The following IRF2BPL variants were observed in gnomAD, a reference collection of about 807,000 sequenced individuals.
IRF2BPL encodes the protein interferon regulatory factor 2 binding protein like.
Under a neutral mutation model 51.2 loss-of-function variants are expected in IRF2BPL, and 13 were observed. The observed-to-expected ratio is 0.25, with a 90% confidence interval of 0.17 to 0.40. The LOEUF (loss-of-function observed/expected upper bound fraction) is 0.40. IRF2BPL is among the 10% of genes least tolerant of loss of function. The pLI is 1.00. For missense variants in IRF2BPL, 1,210 were observed against 1,111.8 expected (o/e 1.09, Z -1.26); for synonymous variants, 768 against 509.2 (o/e 1.51, Z -6.84).
In IRF2BPL at chr14:77,027,266, G is replaced by T. The variant is rs776119871; in HGVS notation, c.527C>A (p.Pro176Gln). ...EQRSRFEYPP[P>Q]PVSLGSSSHT... ...GCTGCTGCTTCCCAGGCTCACCGGC[G>T]GTGGCGGGTACTCGAAGCGGCTGCG... The change falls in exon 1 of 1, where the codon CCG becomes CAG. Residue 176 changes from proline (P) to glutamine (Q), a missense_variant. Coordinates refer to ENST00000238647, the MANE Select transcript of IRF2BPL (RefSeq NM_024496.4). The T allele has an allele frequency of 3.2e-6, 5 of 1,582,636 alleles. No individual in the cohort carries two copies. The Admixed American group carries it at 9.2e-5, about 29-fold the overall frequency.
At position 77,026,007 on chromosome 14, in the gene IRF2BPL, G is replaced by C; in HGVS notation, c.1786C>G (p.Pro596Ala). ...CCCAGAGGTGGGGGCGGCGGAGGCG[G>C]ACCCCCCGCCGCGTGCCCCGGCGCC... ...FAAPGHAAGGPPPPPPPLGPH... is the reference protein window; with the variant it reads ...FAAPGHAAGGAPPPPPPLGPH... Residue 596 changes from proline (P) to alanine (A), a missense_variant, in exon 1 of 1, where the codon CCG becomes GCG. Transcript: ENST00000238647. The C allele has an allele frequency of 6.4e-7, 1 of 1,565,932 alleles. No individual in the cohort carries two copies. The highest frequency in any genetic ancestry group is 8.6e-7 in the Non-Finnish European group (1 of 1,157,094).
chr14:77,027,852 C>G lies in IRF2BPL; in HGVS notation c.-60G>C. 8 of 1,429,210 alleles carry G rather than the reference C, an allele frequency of 5.6e-6. No homozygotes were observed. The highest frequency in any genetic ancestry group is 7.4e-6 in the Non-Finnish European group (8 of 1,086,324). 88.5% of individuals were successfully genotyped at this position (1,429,210 alleles called of 1,614,324 possible). A position where few individuals can be genotyped will look rare whatever the true frequency, so the allele number is the denominator to read the frequency against. ...GGCTGTCTCCGCGGCGCCTTCTCCT[C>G]CGGGAGGACTGGCCGGCTGGGGAGG... On this transcript the variant is annotated 5_prime_UTR_variant, in exon 1 of 1. Transcript: ENST00000238647.
At position 77,025,516 on chromosome 14, in the gene IRF2BPL, G is replaced by A. The variant is rs151294479; in HGVS notation, c.2277C>T (p.Pro759=). The A allele has an allele frequency of 5.6e-6, 9 of 1,613,940 alleles. No homozygotes were observed. The highest frequency in any genetic ancestry group is 7.6e-6 in the Non-Finnish European group (9 of 1,179,874). ...AQGATGEVYC[P]SGEKCPLVGS... ...CGACTAGGGGGCATTTCTCTCCGCT[G>A]GGGCAATACACCTCGCCGGTGGCCC... Residue 759 remains proline, a synonymous_variant, in exon 1 of 1, where the codon CCC becomes CCT. Coordinates refer to ENST00000238647, the MANE Select transcript of IRF2BPL (RefSeq NM_024496.4).
At position 77,026,572 on chromosome 14, in the gene IRF2BPL, G is replaced by C. The variant is rs746802558; in HGVS notation, c.1221C>G (p.Ala407=). 3 of 1,613,852 alleles carry C rather than the reference G, an allele frequency of 1.9e-6. No homozygotes were observed. Among genetic ancestry groups the C allele is most frequent in the Non-Finnish European group, 2.5e-6 (3 of 1,180,000 alleles). ...CGTAGTCCATGCCGGGCTTGGAGAC[G>C]GCGTCGAAGGCGAAAACGCGGCCCA... ...SLLGRVFAFD[A]VSKPGMDYEL... Residue 407 remains alanine (A), a synonymous_variant, in exon 1 of 1, where the codon GCC becomes GCG. Transcript: ENST00000238647.
chr14:77,027,004 G>A lies in IRF2BPL; in HGVS notation c.789C>T (p.Asn263=), dbSNP rs543338588. ...GGAGTACCGCAGCGCTGGCCGGGCC[G>A]TTAAGCAGCGTCTGCGGTAGCAGGT... ...PPNLLPQTLL[N]GPASAAVLPP... The change falls in exon 1 of 1, where the codon AAC becomes AAT. Residue 263 remains asparagine (N), a synonymous_variant. Coordinates refer to ENST00000238647, the MANE Select transcript of IRF2BPL (RefSeq NM_024496.4). 7 of 1,510,676 alleles carry A rather than the reference G, an allele frequency of 4.6e-6. No homozygotes were observed. The highest frequency in any genetic ancestry group is 2.1e-5 in the Admixed American group (1 of 47,658). The allele number at this position is 1,510,676 out of a possible 1,614,324, so 93.6% of individuals were successfully genotyped here.
chr14:77,027,375 G>A lies in IRF2BPL; in HGVS notation c.418C>T (p.Leu140=), dbSNP rs763409191. ...HVDGSSKPAV[L]AAPSGLERYG... is the part of the protein sequence containing the mutation. ...CGCTCCAGGCCAGACGGGGCCGCCAGCACCGCAGGCTTGCTGGAACCATCA... is the reference window on the plus strand; with the variant it reads ...CGCTCCAGGCCAGACGGGGCCGCCAACACCGCAGGCTTGCTGGAACCATCA... Residue 140 remains leucine (L), a synonymous_variant, in exon 1 of 1, where the codon CTG becomes TTG. Transcript: ENST00000238647. The A allele has an allele frequency of 1.1e-5, 16 of 1,496,108 alleles. No individual in the cohort carries two copies. The highest frequency in any genetic ancestry group is 1.4e-5 in the Non-Finnish European group (16 of 1,125,196). 92.7% of individuals were successfully genotyped at this position (1,496,108 alleles called of 1,614,324 possible). A position where few individuals can be genotyped will look rare whatever the true frequency, so the allele number is the denominator to read the frequency against.
rs554195069 is a variant in IRF2BPL, at chr14:77,024,914, ATTTTTTTTTTTTTTTTTTTTTTTTTT to A, written c.*462_*487del. ...AAGGAAGCTTTCACCATTTTATAGC[ATTTTTTTTTTTTTTTTTTTTTTTTTT>A]TTTTTTTTTTAGGCAGCAACACTGG... On this transcript the variant is annotated 3_prime_UTR_variant, in exon 1 of 1. Transcript: ENST00000238647. 8.7e-5 allele frequency: 2 copies of A among 22,972 alleles called. No individual in the cohort carries two copies. The highest frequency in any genetic ancestry group is 3.6e-3 in the South Asian group (2 of 562). 1.4% of individuals were successfully genotyped at this position (22,972 alleles called of 1,614,324 possible).
rs1333198489 is a variant in IRF2BPL at position 77,025,249 on chromosome 14, G to A, written c.*153C>T. ...TATAGAAACATACGACGAAAATAAT[G>A]TCTATACATAAGACTAACTTTTTGC... is the stretch of plus-strand genomic sequence containing the variant. On this transcript the variant is annotated 3_prime_UTR_variant, in exon 1 of 1. Transcript: ENST00000238647. The A allele has an allele frequency of 4.1e-6, 2 of 490,440 alleles. No homozygotes were observed. The highest frequency in any genetic ancestry group is 7.1e-6 in the Non-Finnish European group (2 of 280,070). The allele number at this position is 490,440 out of a possible 1,614,324, so 30.4% of individuals were successfully genotyped here. A position where few individuals can be genotyped will look rare whatever the true frequency, so the allele number is the denominator to read the frequency against.
At position 77,026,155 on chromosome 14, in the gene IRF2BPL, G is replaced by C. The variant is rs780509235; in HGVS notation, c.1638C>G (p.Ala546=). The change falls in exon 1 of 1, where the codon GCC becomes GCG. Residue 546 remains alanine, a synonymous_variant. Transcript: ENST00000238647. The part of the protein sequence containing the change: ...GAAASLRKRK[A]SPEPPDSAEG... ...CGGCTGAGTCCGGGGGCTCCGGAGAGGCCTTTCTCTTGCGCAGGCTGGCGG... is the reference window on the plus strand; with the variant it reads ...CGGCTGAGTCCGGGGGCTCCGGAGACGCCTTTCTCTTGCGCAGGCTGGCGG... The C allele has an allele frequency of 1.8e-5, 27 of 1,513,144 alleles. No individual in the cohort carries two copies. Among genetic ancestry groups the C allele is most frequent in the Non-Finnish European group, 2.4e-5 (27 of 1,141,054 alleles). The allele number at this position is 1,513,144 out of a possible 1,614,324, so 93.7% of individuals were successfully genotyped here. A position where few individuals can be genotyped will look rare whatever the true frequency, so the allele number is the denominator to read the frequency against.
Position 77,026,061 on chromosome 14 carries a change from T to C in IRF2BPL, c.1732A>G (p.Lys578Glu). Residue 578 changes from lysine to glutamate, a missense_variant, in exon 1 of 1, where the codon AAG (lysine) becomes GAG (glutamate). Lys to Glu is a moderately conservative substitution (Grantham distance 56). Coordinates refer to ENST00000238647, the MANE Select transcript of IRF2BPL (RefSeq NM_024496.4). Reference protein sequence around the residue: ...QWMANQSEALKLTMSAGGFAA... With the variant: ...QWMANQSEALELTMSAGGFAA... The stretch of plus-strand genomic sequence containing the variant: ...AAGCCCCCGGCGGACATGGTGAGCT[T>C]CAGCGCCTCGCTCTGGTTCGCCATC... The C allele has an allele frequency of 1.3e-6, 2 of 1,568,670 alleles. No homozygotes were observed. Among genetic ancestry groups the C allele is most frequent in the Non-Finnish European group, 1.7e-6 (2 of 1,160,750 alleles).
Position 77,026,620 on chromosome 14 carries a change from G to C in IRF2BPL, c.1173C>G (p.Arg391=), listed in dbSNP as rs764780408. 4.0e-5 allele frequency: 65 copies of C among 1,613,690 alleles called. No individual in the cohort carries two copies. The highest frequency in any genetic ancestry group is 1.6e-4 in the Middle Eastern group (1 of 6,084). The change falls in exon 1 of 1, where the codon CGC becomes CGG. Residue 391 remains arginine (R), a synonymous_variant. Coordinates refer to ENST00000238647, the MANE Select transcript of IRF2BPL (RefSeq NM_024496.4). ...TLAGCTPYEV[R]FKKDHSLLGR... ...CCAGCAGCGAGTGGTCCTTCTTGAA[G>C]CGAACCTCGTAGGGCGTGCAGCCTG...
Position 77,027,100 on chromosome 14 carries a change from C to T in IRF2BPL, c.693G>A (p.Thr231=). The change falls in exon 1 of 1, where the codon ACG becomes ACA. Residue 231 remains threonine (T), a synonymous_variant. Coordinates refer to ENST00000238647, the MANE Select transcript of IRF2BPL (RefSeq NM_024496.4). ...GCAGCCCCGTAACCAGCCCACCGTG[C>T]GTTCCACGCCGAGACGCCACCGACG... is the stretch of plus-strand genomic sequence containing the variant. ...AAASVASRRG[T]HGGLVTGLPN... 3 of 1,610,484 alleles carry T rather than the reference C, an allele frequency of 1.9e-6. No individual in the cohort carries two copies. The highest frequency in any genetic ancestry group is 2.5e-6 in the Non-Finnish European group (3 of 1,178,966).
At position 77,025,950 on chromosome 14, in the gene IRF2BPL, A is replaced by G; in HGVS notation, c.1843T>C (p.Ser615Pro). 4.4e-6 allele frequency: 7 copies of G among 1,604,438 alleles called. No individual in the cohort carries two copies. The highest frequency in any genetic ancestry group is 4.2e-6 in the Non-Finnish European group (5 of 1,176,578). ...PHSNRTTPPE[S>P]APQNGPSPMA... ...GGGGACGGACCGTTCTGGGGGGCTG[A>G]CTCAGGTGGGGTGGTCCGGTTGGAA... is the stretch of plus-strand genomic sequence containing the variant. The change falls in exon 1 of 1, where the codon TCA becomes CCA. Residue 615 changes from serine to proline, a missense_variant. By Grantham distance (74) the Ser-to-Pro change is moderately conservative (BLOSUM62 -1). Coordinates refer to ENST00000238647, the MANE Select transcript of IRF2BPL (RefSeq NM_024496.4).
In IRF2BPL at chr14:77,025,840, C is replaced by G; in HGVS notation, c.1953G>C (p.Ala651=). The stretch of plus-strand genomic sequence containing the variant: ...GGCTGCTGCTGTTTCGCCGCGCCGA[C>G]GCAGTGGTAGAGTGCACGGAACTGC... ...KDGSSVHSTT[A]SARRNSSSPV... The change falls in exon 1 of 1, where the codon GCG becomes GCC. Residue 651 remains alanine, a synonymous_variant. Transcript: ENST00000238647. 1.2e-6 allele frequency: 2 copies of G among 1,612,664 alleles called. No homozygotes were observed. Among genetic ancestry groups the G allele is most frequent in the Non-Finnish European group, 1.7e-6 (2 of 1,179,830 alleles).
chr14:77,025,997 G>T lies in IRF2BPL; in HGVS notation c.1796C>A (p.Pro599Gln). The change falls in exon 1 of 1, where the codon CCG becomes CAG. Residue 599 changes from proline (P) to glutamine (Q), a missense_variant. Coordinates refer to ENST00000238647, the MANE Select transcript of IRF2BPL (RefSeq NM_024496.4). ...GGAATGGGGTCCCAGAGGTGGGGGC[G>T]GCGGAGGCGGACCCCCCGCCGCGTG... ...PGHAAGGPPPPPPPLGPHSNR... is the reference protein window; with the variant it reads ...PGHAAGGPPPQPPPLGPHSNR... 1 of 1,571,412 alleles carries T rather than the reference G, an allele frequency of 6.4e-7. No homozygotes were observed.
In IRF2BPL at chr14:77,027,654, T is replaced by A; in HGVS notation, c.139A>T (p.Ile47Phe). Residue 47 changes from isoleucine to phenylalanine, a missense_variant, in exon 1 of 1, where the codon ATC (isoleucine) becomes TTC (phenylalanine). Physicochemically the swap from Ile to Phe is conservative, Grantham distance 21 (BLOSUM62 0). Coordinates refer to ENST00000238647, the MANE Select transcript of IRF2BPL (RefSeq NM_024496.4). ...GCVNYEGADR[I>F]EFVIETARQL... ...CGCGCTGTCTCGATCACGAATTCGA[T>A]GCGATCAGCGCCCTCGTAGTTGACG... The A allele has an allele frequency of 6.2e-7, 1 of 1,610,960 alleles. No homozygotes were observed. The highest frequency in any genetic ancestry group is 8.5e-7 in the Non-Finnish European group (1 of 1,179,174).
In IRF2BPL at chr14:77,026,931, C is replaced by A; in HGVS notation, c.862G>T (p.Ala288Ser). The change falls in exon 1 of 1, where the codon GCT becomes TCT. Residue 288 changes from alanine (A) to serine (S), a missense_variant. By Grantham distance (99) the Ala-to-Ser change is moderately conservative. Transcript: ENST00000238647. ...GGGCCCCCAGGAGCCCCTGGGGGAG[C>A]AGGCGTCGGGGGCCCACGGCTGCCC... ...ALGSRGPPTP[A>S]PPGAPGGPAC... 6.8e-7 allele frequency: 1 copy of A among 1,471,784 alleles called. No individual in the cohort carries two copies. The highest frequency in any genetic ancestry group is 9.0e-7 in the Non-Finnish European group (1 of 1,112,530). 91.2% of individuals were successfully genotyped at this position (1,471,784 alleles called of 1,614,324 possible).
rs1434453408 is a variant in IRF2BPL, at chr14:77,028,419, T to C, written c.-627A>G. On this transcript the variant is annotated 5_prime_UTR_variant, in exon 1 of 1. Coordinates refer to ENST00000238647, the MANE Select transcript of IRF2BPL (RefSeq NM_024496.4). Reference sequence around the variant, plus strand: ...GCCGTTCTGCTGGCGGCGACTGGGTTTGCACCCCGGAGGGAGCCGCCGCGG... The same window carrying C: ...GCCGTTCTGCTGGCGGCGACTGGGTCTGCACCCCGGAGGGAGCCGCCGCGG... 1 of 266,664 alleles carries C rather than the reference T, an allele frequency of 3.8e-6. No individual in the cohort carries two copies. The highest frequency in any genetic ancestry group is 7.3e-6 in the Non-Finnish European group (1 of 137,186). The allele number at this position is 266,664 out of a possible 1,614,324, so 16.5% of individuals were successfully genotyped here.
chr14:77,026,884 C>A lies in IRF2BPL; in HGVS notation c.909G>T (p.Pro303=). 1 of 1,553,322 alleles carries A rather than the reference C, an allele frequency of 6.4e-7. No homozygotes were observed. The highest frequency in any genetic ancestry group is 8.7e-7 in the Non-Finnish European group (1 of 1,150,830). ...CGGAGGACGACGTGGCCGATACACC[C>A]GGGGTACCCCCGAGACAAGCGGGGC... The part of the protein sequence containing the change: ...PGGPACLGGT[P]GVSATSSSAS... The change falls in exon 1 of 1, where the codon CCG becomes CCT. Residue 303 remains proline, a synonymous_variant. Transcript: ENST00000238647.
Sources: allele counts gnomAD v4.1 joint callset, GRCh38; gene constraint gnomAD v4.1.1; transcripts MANE v1.5; gene names NCBI Gene and HGNC (gene_info 2026-07-23, HGNC 2026-07-21).